Variants in NUBPL observed in about 807,000 individuals in gnomAD.
NUBPL encodes the protein iron-sulfur cluster transfer protein NUBPL.
NUBPL carries 31 observed loss-of-function variants against 45.7 expected under a neutral mutation model. That is an observed-to-expected ratio of 0.68 (90% CI 0.51 to 0.92). NUBPL has a LOEUF of 0.92. NUBPL is among the 40% of genes least tolerant of loss of function. The probability of loss-of-function intolerance (pLI) is 0.00; values close to 1 mark genes in which losing one functional copy is unlikely to be tolerated. For missense variants in NUBPL, 401 were observed against 398.7 expected (o/e 1.01, Z -0.05); for synonymous variants, 144 against 140.9 (o/e 1.02, Z -0.15).
intron 7 of NUBPL, among the ~76,000 whole-genome samples, chr14:31,815,312 G>A (rs1449145745): frequency 6.6e-6 from 1 of 152,072 alleles, no homozygotes; most frequent in Non-Finnish European, 1.5e-5. Context: ...TTGTGAATGG[G>A]AGTTCACTCA....
intron 7 of NUBPL, among the ~76,000 whole-genome samples, chr14:31,819,121 T>A (rs12434666): frequency 0.29 from 43,860 of 152,092 alleles, 7,655 homozygotes; most frequent in South Asian, 0.42. Context: ...AAATAATATT[T>A]AAAACTCAGG....
intron 6 of NUBPL, among the ~76,000 whole-genome samples, chr14:31,741,397 G>A (rs754062057): frequency 1.9e-4 from 29 of 152,158 alleles, no homozygotes; most frequent in Non-Finnish European, 3.5e-4. Flanking sequence ...ACTAGAGGGG[G>A]CTGGAGTTAG....
chr14:31,743,986 A>G (rs181431524), intron 6 of NUBPL, among the ~76,000 whole-genome samples: 3 of 152,192 alleles, frequency 2.0e-5, no homozygotes, highest in Admixed American at 6.5e-5. Flanking sequence ...CATCTTATGC[A>G]GTTTAAGGAT....
intron 6 of NUBPL, among the ~76,000 whole-genome samples, chr14:31,742,665 A>T (rs1002527631): frequency 4.6e-5 from 7 of 152,068 alleles, no homozygotes; most frequent in African/African-American, 1.7e-4. Flanking sequence ...GTGCAGTGAC[A>T]TGAGCTCAGC....
chr14:31,759,015 A>G (rs2038737543), intron 6 of NUBPL, among the ~76,000 whole-genome samples: 1 of 152,054 alleles, frequency 6.6e-6, no homozygotes, highest in Non-Finnish European at 1.5e-5. Flanking sequence ...CATGTATGGC[A>G]CATAGGAGTC....
intron 4 of NUBPL, among the ~76,000 whole-genome samples, chr14:31,620,866 G>A (rs1311093831): frequency 6.6e-6 from 1 of 152,188 alleles, no homozygotes; most frequent in Non-Finnish European, 1.5e-5. Flanking sequence ...TTTAAGTCTG[G>A]TGAAGCTGCG....
rs1324836984 is a variant in NUBPL, at chr14:31,741,964, T to G, written c.514-45816T>G. On this transcript the variant is annotated intron_variant, in intron 6 of 10. Coordinates refer to ENST00000281081, the MANE Select transcript of NUBPL (RefSeq NM_025152.3). ...GTGAAACCATCCCCAAACTGATTTT[T>G]TAAATATCCCATATCTTTATAAAAG... Among the ~76,000 whole-genome samples, 88 of 152,032 alleles carry G rather than the reference T, an allele frequency of 5.8e-4. 1 individual carries two copies. Among genetic ancestry groups the G allele is most frequent in the Non-Finnish European group, 1.6e-4 (11 of 68,018 alleles).
At chr14:31,687,011 G>A (rs1416681639) in intron 6 of NUBPL, among the ~76,000 whole-genome samples, 1 of 152,194 alleles carries the variant, frequency 6.6e-6, no homozygotes, top group Admixed American at 6.5e-5. Context: ...TATTTGGGAG[G>A]CTGAGATGGG....
rs556049705 is a variant in NUBPL, at chr14:31,602,948, C to T, written c.382+3569C>T. Among the ~76,000 whole-genome samples, 4 of 152,138 alleles carry T rather than the reference C, an allele frequency of 2.6e-5. No homozygotes were observed. The South Asian group carries it at 6.2e-4, about 24-fold the overall frequency. On this transcript the variant is annotated intron_variant, in intron 4 of 10. Transcript: ENST00000281081. Reference sequence around the variant, plus strand: ...TTTTTAAATACCTCTTTAATGTTTACTGCTGTTGTTATTGCATTTAAAAAA... The same window carrying T: ...TTTTTAAATACCTCTTTAATGTTTATTGCTGTTGTTATTGCATTTAAAAAA...
chr14:31,612,860 A>G (rs867176454), intron 4 of NUBPL, among the ~76,000 whole-genome samples: 18 of 152,152 alleles, frequency 1.2e-4, no homozygotes, highest in African/African-American at 4.3e-4. Flanking sequence ...ATAGTGGTTG[A>G]ACCACTATGG....
intron 4 of NUBPL, among the ~76,000 whole-genome samples, chr14:31,641,207 C>A (rs2035687476): frequency 6.6e-6 from 1 of 152,182 alleles, no homozygotes; most frequent in East Asian, 1.9e-4. Context: ...GCCTCACCCT[C>A]CCTAAGTGTT....
chr14:31,648,789 A>C (rs768870670), intron 4 of NUBPL, among the ~76,000 whole-genome samples: 1 of 152,290 alleles, frequency 6.6e-6, no homozygotes, highest in African/African-American at 2.4e-5. Flanking sequence ...TGTTAGTTCT[A>C]TTCTGCAAAG....
chr14:31,825,534 G>T (rs10220330), intron 7 of NUBPL, among the ~76,000 whole-genome samples: 143,899 of 151,114 alleles, frequency 0.95, 68,621 homozygotes, highest in East Asian at 1. Flanking sequence ...CTTAGCATAT[G>T]GTATTGTAAT....
At chr14:31,689,064 A>G (rs1435173941) in intron 6 of NUBPL, among the ~76,000 whole-genome samples, 2 of 151,214 alleles carry the variant, frequency 1.3e-5, no homozygotes, top group Non-Finnish European at 2.9e-5. Context: ...TATTCAGTCT[A>G]CCATTGATAG....
chr14:31,657,900 GA>G lies in NUBPL; in HGVS notation c.383-15453del, dbSNP rs1437306479. Among the ~76,000 whole-genome samples, 4 of 152,212 alleles carry G rather than the reference GA, an allele frequency of 2.6e-5. No individual in the cohort carries two copies. In the East Asian group the frequency reaches 7.7e-4, roughly 29 times the overall value. ...CTACTTCAAAAACTTGAGAATTTTA[GA>G]AGTCAGAACTAATAGAAGAAAAAGA... On this transcript the variant is annotated intron_variant, in intron 4 of 10. Coordinates refer to ENST00000281081, the MANE Select transcript of NUBPL (RefSeq NM_025152.3).
chr14:31,631,477 C>A (rs908810151), intron 4 of NUBPL, among the ~76,000 whole-genome samples: 1 of 134,762 alleles, frequency 7.4e-6, no homozygotes, highest in African/African-American at 2.5e-5. Context: ...AATACACACA[C>A]ACACACCCCC....
intron 4 of NUBPL, chr14:31,662,125 G>A (rs369876135): frequency 2.0e-5 from 3 of 151,810 alleles, no homozygotes; most frequent in African/African-American, 7.3e-5. Flanking sequence ...TTCAGTTTAG[G>A]TGCTGCCAAA....
At chr14:31,643,393 T>A (rs1566471223) in intron 4 of NUBPL, among the ~76,000 whole-genome samples, 1 of 152,180 alleles carries the variant, frequency 6.6e-6, no homozygotes, top group Non-Finnish European at 1.5e-5. Flanking sequence ...CTTTTCAGCA[T>A]GTATTGAAAT....
chr14:31,756,916 G>T (rs1223105273), intron 6 of NUBPL, among the ~76,000 whole-genome samples: 164 of 146,974 alleles, frequency 1.1e-3, no homozygotes, highest in Non-Finnish European at 1.0e-3. Flanking sequence ...ATGAAGGGTT[G>T]TTGAATTTTG....
Sources: allele counts gnomAD v4.1 joint callset (sites outside exome capture counted in the v4.1 genomes callset), GRCh38; gene constraint gnomAD v4.1.1; transcripts MANE v1.5; gene names NCBI Gene and HGNC (gene_info 2026-07-23, HGNC 2026-07-21).